Variants in TENM3 observed in about 807,000 individuals in gnomAD.
The protein encoded by TENM3 is teneurin transmembrane protein 3.
TENM3 carries 63 observed loss-of-function variants against 255.1 expected under a neutral mutation model. The ratio of observed to expected loss-of-function variants is 0.25; its 90% CI spans 0.20 to 0.30. The LOEUF is 0.30. Ranked by LOEUF, TENM3 falls within the 10% of genes least tolerant of loss-of-function variation. The pLI, the probability that TENM3 is intolerant of heterozygous loss-of-function variation, is 1.00. For synonymous variants in TENM3, 1,306 were observed against 1,322.3 expected, an observed-to-expected ratio of 0.99 and a Z score of 0.27; for missense variants, 2,929 against 3,461.1, an observed-to-expected ratio of 0.85 and a Z score of 3.86.
chr4:182,232,847 G>A (rs906688054), intron 1 of TENM3, among the ~76,000 whole-genome samples: 8 of 152,148 alleles, frequency 5.3e-5, no homozygotes, highest in African/African-American at 1.7e-4. Context: ...TATATGGCAT[G>A]GATATGCTGG....
chr4:181,860,211 C>T, the TENM3 span, among the ~76,000 whole-genome samples: 3 of 152,192 alleles, frequency 2.0e-5, no homozygotes, highest in South Asian at 2.1e-4. Context: ...TCGCCTTAAG[C>T]GCCTGTTAAC....
At chr4:182,328,392 T>A (rs1763546241) in intron 2 of TENM3, among the ~76,000 whole-genome samples, 1 of 152,024 alleles carries the variant, frequency 6.6e-6, no homozygotes, top group Admixed American at 6.6e-5. Flanking sequence ...ATTTTTGTAA[T>A]TTTAGTAGAG....
At chr4:181,708,686 T>TA in the TENM3 span, among the ~76,000 whole-genome samples, 46 of 151,264 alleles carry the variant, frequency 3.0e-4, 2 homozygotes, top group East Asian at 1.7e-3. Flanking sequence ...GCTATGCCTT[T>TA]AAAAAAAAAG....
At chr4:182,303,886 A>C (rs1761985295) in intron 1 of TENM3, among the ~76,000 whole-genome samples, 1 of 152,336 alleles carries the variant, frequency 6.6e-6, no homozygotes, top group South Asian at 2.1e-4. Context: ...TTAATGGTTT[A>C]ATTTTTAATT....
the TENM3 span, among the ~76,000 whole-genome samples, chr4:181,737,385 A>G: frequency 6.6e-6 from 1 of 152,136 alleles, no homozygotes; most frequent in Non-Finnish European, 1.5e-5. Context: ...TAAAAGTACA[A>G]AAGTGTGCTG....
chr4:182,060,612 C>A, the TENM3 span, among the ~76,000 whole-genome samples: 2 of 152,138 alleles, frequency 1.3e-5, no homozygotes, highest in African/African-American at 4.8e-5. Context: ...CATTGAAGAC[C>A]CCCGGTCTAT....
intron 3 of TENM3, among the ~76,000 whole-genome samples, chr4:182,559,764 A>C (rs1742950904): frequency 6.6e-6 from 1 of 152,152 alleles, no homozygotes; most frequent in African/African-American, 2.4e-5. Context: ...ATGGATAATT[A>C]AGAATCCTTC....
At chr4:182,028,963 A>G in the TENM3 span, among the ~76,000 whole-genome samples, 1 of 152,196 alleles carries the variant, frequency 6.6e-6, no homozygotes, top group Admixed American at 6.5e-5. Flanking sequence ...AGGTCCATTT[A>G]GTCTATAGTG....
At chr4:181,939,488 T>C in the TENM3 span, among the ~76,000 whole-genome samples, 2 of 152,322 alleles carry the variant, frequency 1.3e-5, no homozygotes, top group African/African-American at 4.8e-5. Flanking sequence ...CTGTCGGTGT[T>C]TCAGTACAGT....
chr4:181,831,276 G>T, the TENM3 span, among the ~76,000 whole-genome samples: 2 of 151,934 alleles, frequency 1.3e-5, no homozygotes, highest in Non-Finnish European at 2.9e-5. Context: ...TTTTGTTTTT[G>T]GTAATCTCTT....
the TENM3 span, among the ~76,000 whole-genome samples, chr4:181,952,698 C>T: frequency 2.0e-5 from 3 of 152,224 alleles, no homozygotes; most frequent in African/African-American, 4.8e-5. Flanking sequence ...GCAGAGGACA[C>T]GTGAGATCAA....
chr4:182,601,964 G>C (rs969212166), intron 4 of TENM3, among the ~76,000 whole-genome samples: 6 of 152,238 alleles, frequency 3.9e-5, no homozygotes, highest in Non-Finnish European at 8.8e-5. Flanking sequence ...AAGGTTCAAA[G>C]TTAGGACTTC....
the TENM3 span, among the ~76,000 whole-genome samples, chr4:182,082,344 C>G: frequency 6.6e-6 from 1 of 152,062 alleles, no homozygotes; most frequent in Non-Finnish European, 1.5e-5. Context: ...CTAATCACCC[C>G]CGCCAAAGGC....
At chr4:182,275,227 T>A (rs1429503352) in intron 1 of TENM3, among the ~76,000 whole-genome samples, 1 of 152,148 alleles carries the variant, frequency 6.6e-6, no homozygotes, top group East Asian at 1.9e-4. Flanking sequence ...CTGAACCAGG[T>A]GTGATGGCCA....
the TENM3 span, among the ~76,000 whole-genome samples, chr4:181,832,761 G>A: frequency 1.3e-5 from 2 of 152,182 alleles, no homozygotes; most frequent in African/African-American, 4.8e-5. Flanking sequence ...CAATTGAACC[G>A]CCTTGGGGCT....
At chr4:181,978,275 C>G in the TENM3 span, among the ~76,000 whole-genome samples, 3 of 152,196 alleles carry the variant, frequency 2.0e-5, no homozygotes, top group Non-Finnish European at 4.4e-5. Context: ...TGCCCACATT[C>G]TCACATCTGG....
At chr4:181,906,016 G>A in the TENM3 span, 2,209 of 459,210 alleles carry the variant, frequency 4.8e-3, 16 homozygotes, top group Non-Finnish European at 4.6e-3. Flanking sequence ...ATTATATCTC[G>A]TAACAGTGAC....
At chr4:182,728,110 G>C (rs1418089891) in intron 13 of TENM3, among the ~76,000 whole-genome samples, 1 of 152,062 alleles carries the variant, frequency 6.6e-6, no homozygotes, top group Non-Finnish European at 1.5e-5. Flanking sequence ...CAGCCTCCCA[G>C]AGTGCTGGGA....
At chr4:181,465,179 A>G in the TENM3 span, among the ~76,000 whole-genome samples, 1 of 143,712 alleles carries the variant, frequency 7.0e-6, no homozygotes, top group African/African-American at 2.5e-5. Context: ...ATGATTTTTG[A>G]AAGAAAAAAA....
Sources: allele counts gnomAD v4.1 joint callset (sites outside exome capture counted in the v4.1 genomes callset), GRCh38; gene constraint gnomAD v4.1.1; transcripts MANE v1.5; gene names NCBI Gene and HGNC (gene_info 2026-07-23, HGNC 2026-07-21).